HEG1: variants seen among roughly 807,000 people sequenced by gnomAD.
HEG1 encodes protein HEG homolog 1.
A neutral mutation model predicts 125.6 loss-of-function variants in HEG1; 56 were observed. The observed-to-expected ratio is 0.45, with a 90% CI of 0.36 to 0.56. The LOEUF (loss-of-function observed/expected upper bound fraction) is 0.56. Ranked by LOEUF, HEG1 falls within the 20% of genes least tolerant of loss-of-function variation. The pLI, the probability that HEG1 is intolerant of heterozygous loss-of-function variation, is 0.00. For missense variants in HEG1, 1,523 were observed against 1,670.0 expected (o/e 0.91, Z 1.53); for synonymous variants, 644 against 668.5 (o/e 0.96, Z 0.57).
intron 11 of HEG1, among the ~76,000 whole-genome samples, chr3:124,998,259 A>G (rs533756127): frequency 1.2e-4 from 19 of 152,354 alleles, no homozygotes; most frequent in African/African-American, 3.8e-4. Context: ...ACAGGAGTGC[A>G]GGCCAGACCT....
intron 14 of HEG1, among the ~76,000 whole-genome samples, chr3:124,979,759 C>T (rs995924100): frequency 3.9e-5 from 6 of 152,084 alleles, no homozygotes; most frequent in Non-Finnish European, 5.9e-5. Flanking sequence ...CGGTGAAACC[C>T]CGTTTCTACT....
intron 3 of HEG1, among the ~76,000 whole-genome samples, chr3:125,025,334 C>A (rs1050068840): frequency 6.6e-6 from 1 of 152,178 alleles, no homozygotes; most frequent in Non-Finnish European, 1.5e-5. Context: ...CTGGTGAGAA[C>A]CCCATTTAAC....
At chr3:125,014,027 GAACAACAAAACT>G in intron 5 of HEG1, 37 bp from the exon 6 acceptor site, 1 of 1,533,288 alleles carries the variant, frequency 6.5e-7, no homozygotes, top group Non-Finnish European at 8.7e-7. Context: ...TCAAATAAAA[GAACAACAAAACT>G]CTGAAATATG....
intron 14 of HEG1, among the ~76,000 whole-genome samples, chr3:124,990,048 T>C (rs1936804522): frequency 6.6e-6 from 1 of 152,152 alleles, no homozygotes; most frequent in Admixed American, 6.5e-5. Context: ...TTTGTCTAAG[T>C]TGCTCCCTCT....
At chr3:125,015,954 C>G (rs1937240525) in intron 5 of HEG1, among the ~76,000 whole-genome samples, 1 of 152,094 alleles carries the variant, frequency 6.6e-6, no homozygotes. Flanking sequence ...TTGACAGAGA[C>G]AGGAATGAGC....
chr3:124,986,621 T>A (rs1936744819), intron 14 of HEG1, among the ~76,000 whole-genome samples: 1 of 152,172 alleles, frequency 6.6e-6, no homozygotes. Context: ...TTACATGCCA[T>A]CACAGAATAA....
At position 125,039,123 on chromosome 3, in the gene HEG1, T is replaced by C. The variant is rs150899328; in HGVS notation, c.317-9635A>G. On this transcript the variant is annotated intron_variant, in intron 1 of 16. Transcript: ENST00000311127. Reference sequence around the variant, plus strand: ...CCTGTGCTGGGCCATAACTTTCCCTTGTACCATGAATGGAGATTAAATTAA... The same window carrying C: ...CCTGTGCTGGGCCATAACTTTCCCTCGTACCATGAATGGAGATTAAATTAA... 5.3e-5 allele frequency among the ~76,000 whole-genome samples: 8 copies of C among 152,284 alleles called. No homozygotes were observed. The East Asian group carries it at 1.5e-3, about 29-fold the overall frequency.
Position 124,986,967 on chromosome 3 carries a change from C to T in HEG1, c.3733+3820G>A, listed in dbSNP as rs1579400560. ...ATGCCCTGCAGCTCACACCCCTTTC[C>T]TGCAGCCCTTTATAGACTCATGTTC... is the stretch of plus-strand genomic sequence containing the variant. On this transcript the variant is annotated intron_variant, in intron 14 of 16. Transcript: ENST00000311127. Among the ~76,000 whole-genome samples the T allele has an allele frequency of 3.9e-5, 6 of 152,360 alleles. No homozygotes were observed. The South Asian group carries it at 1.2e-3, about 32-fold the overall frequency.
At chr3:125,037,460 G>A (rs1937558745) in intron 1 of HEG1, among the ~76,000 whole-genome samples, 1 of 152,254 alleles carries the variant, frequency 6.6e-6, no homozygotes, top group Admixed American at 6.5e-5. Flanking sequence ...CATAATGTAA[G>A]CATGTGAGTG....
intron 5 of HEG1, among the ~76,000 whole-genome samples, chr3:125,016,520 A>C (rs1937249955): frequency 1.3e-5 from 2 of 152,224 alleles, no homozygotes; most frequent in South Asian, 4.1e-4. Flanking sequence ...AGAAGGTAGA[A>C]GTCCTGACCC....
At chr3:125,031,797 CCT>C (rs1299342191) in intron 1 of HEG1, among the ~76,000 whole-genome samples, 11 of 151,574 alleles carry the variant, frequency 7.3e-5, no homozygotes, top group Admixed American at 1.3e-4. Flanking sequence ...CACTTAAACA[CCT>C]ACACACACAG....
chr3:125,045,840 A>AC (rs1478421935), intron 1 of HEG1, among the ~76,000 whole-genome samples: 2 of 152,198 alleles, frequency 1.3e-5, no homozygotes, highest in Non-Finnish European at 2.9e-5. Context: ...ACTGAAGTCA[A>AC]CAAAACAGTT....
Position 124,973,286 on chromosome 3 carries a change from C to T in HEG1, c.3996+445G>A, listed in dbSNP as rs540585197. Among the ~76,000 whole-genome samples the T allele has an allele frequency of 2.0e-5, 3 of 152,238 alleles. No individual in the cohort carries two copies. In the South Asian group the frequency reaches 6.2e-4, roughly 32 times the overall value. ...CTGGACTCACAAGATCTGCCCACCTCGGCCTCCCAAAGTGCTGGGATTACA... is the reference window on the plus strand; with the variant it reads ...CTGGACTCACAAGATCTGCCCACCTTGGCCTCCCAAAGTGCTGGGATTACA... On this transcript the variant is annotated intron_variant, in intron 16 of 16. Transcript: ENST00000311127.
intron 5 of HEG1, among the ~76,000 whole-genome samples, chr3:125,017,866 A>C (rs550723361): frequency 6.9e-6 from 1 of 145,378 alleles, no homozygotes; most frequent in Admixed American, 6.9e-5. Flanking sequence ...TGAAAATATA[A>C]AAAAAAAAAA....
chr3:125,000,598 CTT>C (rs1210356098), intron 11 of HEG1, among the ~76,000 whole-genome samples: 1 of 145,972 alleles, frequency 6.9e-6, no homozygotes, highest in African/African-American at 2.5e-5. Context: ...GAAAGTTTAG[CTT>C]TTTTTTTTTT....
intron 1 of HEG1, among the ~76,000 whole-genome samples, chr3:125,044,785 C>G (rs1937636866): frequency 6.6e-6 from 1 of 152,158 alleles, no homozygotes; most frequent in Admixed American, 6.5e-5. Flanking sequence ...AAGCAAAAGC[C>G]AGAAAGGACA....
intron 12 of HEG1, among the ~76,000 whole-genome samples, chr3:124,994,609 G>A (rs1478507088): frequency 1.3e-5 from 2 of 151,822 alleles, no homozygotes; most frequent in South Asian, 2.1e-4. Flanking sequence ...GGGTTCAAGC[G>A]ATTCTTCTGC....
chr3:124,970,357 C>T lies in HEG1; in HGVS notation c.*295G>A, dbSNP rs1579389885. 2.9e-6 allele frequency: 1 copy of T among 341,370 alleles called. No homozygotes were observed. The highest frequency in any genetic ancestry group is 5.4e-6 in the Non-Finnish European group (1 of 185,960). 21.1% of individuals were successfully genotyped at this position (341,370 alleles called of 1,614,324 possible). A position where few individuals can be genotyped will look rare whatever the true frequency, so the allele number is the denominator to read the frequency against. ...CCCTGCACTGAAGTCTAGTGGTCTGCCCTGGCTAATAGTCGCCCTGGTGCC... is the reference window on the plus strand; with the variant it reads ...CCCTGCACTGAAGTCTAGTGGTCTGTCCTGGCTAATAGTCGCCCTGGTGCC... On this transcript the variant is annotated 3_prime_UTR_variant, in exon 17 of 17. Coordinates refer to ENST00000311127, the MANE Select transcript of HEG1 (RefSeq NM_020733.2).
chr3:125,049,991 C>G (rs1476217080), intron 1 of HEG1, among the ~76,000 whole-genome samples: 1 of 152,164 alleles, frequency 6.6e-6, no homozygotes, highest in African/African-American at 2.4e-5. Context: ...CCTTTCCAGT[C>G]TTGTCTTCAA....
Sources: gnomAD v4.1 joint callset for allele counts (sites outside exome capture counted in the v4.1 genomes callset) on GRCh38, gnomAD v4.1.1 for gene constraint, MANE v1.5 for transcripts, NCBI Gene and HGNC (gene_info 2026-07-23, HGNC 2026-07-21) for gene names.